PDE10A: variants seen among roughly 807,000 people sequenced by gnomAD.
PDE10A encodes the protein phosphodiesterase 10A, also known as cAMP and cAMP-inhibited cGMP 3',5'-cyclic phosphodiesterase 10A.
PDE10A carries 39 observed loss-of-function variants against 97.7 expected under a neutral mutation model. That is an observed-to-expected ratio of 0.40 (90% confidence interval 0.31 to 0.52). PDE10A has a LOEUF of 0.52. PDE10A is among the 20% of genes least tolerant of loss of function. The pLI, the probability that PDE10A is intolerant of heterozygous loss-of-function variation, is 0.56. For missense variants in PDE10A, 731 were observed against 1,047.8 expected (o/e 0.70, Z 4.17); for synonymous variants, 371 against 376.8 (o/e 0.98, Z 0.18).
upstream of PDE10A, among the ~76,000 whole-genome samples, chr6:165,663,402 T>C (rs936255412): frequency 7.2e-5 from 11 of 152,282 alleles, no homozygotes; most frequent in Admixed American, 5.9e-4. Flanking sequence ...GAGCAACCGC[T>C]GCGTCTCTGC....
intron 1 of PDE10A, among the ~76,000 whole-genome samples, chr6:165,733,884 A>C (rs1446766774): frequency 6.7e-6 from 1 of 148,596 alleles, no homozygotes; most frequent in African/African-American, 2.5e-5. Context: ...AAAAAAAAAA[A>C]CTGGGCCTTT....
intron 1 of PDE10A, among the ~76,000 whole-genome samples, chr6:165,585,333 C>A (rs1285541470): frequency 1.3e-5 from 2 of 152,186 alleles, no homozygotes; most frequent in African/African-American, 4.8e-5. Flanking sequence ...GGGAACTTGA[C>A]TAGTCTAATA....
chr6:165,572,498 A>T (rs1785095581), intron 1 of PDE10A, among the ~76,000 whole-genome samples: 1 of 152,262 alleles, frequency 6.6e-6, no homozygotes, highest in South Asian at 2.1e-4. Context: ...ATTGTTATAA[A>T]GTGGTTTCTG....
At chr6:165,424,359 T>C (rs1225124802) in intron 10 of PDE10A, among the ~76,000 whole-genome samples, 2 of 152,148 alleles carry the variant, frequency 1.3e-5, no homozygotes, top group Non-Finnish European at 2.9e-5. Flanking sequence ...TGCTCACCAT[T>C]TGATAACTCC....
chr6:165,942,042 G>A (rs1233239180), intron 1 of PDE10A, among the ~76,000 whole-genome samples: 1 of 152,172 alleles, frequency 6.6e-6, no homozygotes, highest in Non-Finnish European at 1.5e-5. Flanking sequence ...CATCCGGACA[G>A]TGATTCCTGG....
At position 165,416,298 on chromosome 6, in the gene PDE10A, G is replaced by C. The variant is rs1439556310; in HGVS notation, c.1797-17C>G. ...ATTGAAAATCTGCATATGTAAAAGA[G>C]AAGGACATGCTAATTAAAATATGGA... On this transcript the variant is annotated splice_polypyrimidine_tract_variant and intron_variant, in intron 11 of 21. Coordinates refer to ENST00000539869, the MANE Select transcript of PDE10A (RefSeq NM_001385079.1). The C allele has an allele frequency of 6.8e-7, 1 of 1,475,908 alleles. No individual in the cohort carries two copies. The allele number at this position is 1,475,908 out of a possible 1,614,324, so 91.4% of individuals were successfully genotyped here.
At chr6:165,463,697 T>C (rs1778462792) in intron 3 of PDE10A, among the ~76,000 whole-genome samples, 1 of 152,086 alleles carries the variant, frequency 6.6e-6, no homozygotes, top group Non-Finnish European at 1.5e-5. Context: ...AATCTGGCCA[T>C]AAACTGGCCC....
chr6:165,580,106 T>C (rs182278099), intron 1 of PDE10A, among the ~76,000 whole-genome samples: 1 of 152,340 alleles, frequency 6.6e-6, no homozygotes, highest in African/African-American at 2.4e-5. Context: ...GACAGGGCTC[T>C]TCCGTTTTGT....
chr6:165,419,035 C>T (rs916262180), intron 10 of PDE10A, among the ~76,000 whole-genome samples: 4 of 152,150 alleles, frequency 2.6e-5, no homozygotes, highest in African/African-American at 9.7e-5. Flanking sequence ...TGGAGGGAAG[C>T]ATATCAGTCG....
intron 1 of PDE10A, among the ~76,000 whole-genome samples, chr6:165,670,302 C>A (rs1046274797): frequency 2.0e-5 from 3 of 152,224 alleles, no homozygotes; most frequent in African/African-American, 7.2e-5. Context: ...TAATCCACCT[C>A]TTAACACGAG....
At chr6:165,738,686 C>T (rs1325900633) in intron 1 of PDE10A, among the ~76,000 whole-genome samples, 1 of 151,808 alleles carries the variant, frequency 6.6e-6, no homozygotes, top group Non-Finnish European at 1.5e-5. Context: ...TGTTTCCTGA[C>T]TTTTTAATGA....
chr6:165,620,592 C>G (rs187993141), intron 1 of PDE10A, among the ~76,000 whole-genome samples: 16,017 of 152,070 alleles, frequency 0.11, 840 homozygotes, highest in Middle Eastern at 0.13. Context: ...GATGGGTGCA[C>G]TGTGGGGTGG....
At chr6:165,835,909 T>C (rs1780052445) in intron 1 of PDE10A, among the ~76,000 whole-genome samples, 1 of 152,132 alleles carries the variant, frequency 6.6e-6, no homozygotes, top group Non-Finnish European at 1.5e-5. Flanking sequence ...GTATTAGCAG[T>C]TTGCTCTAGT....
intron 1 of PDE10A, among the ~76,000 whole-genome samples, chr6:165,816,140 G>A (rs190649936): frequency 1.6e-3 from 238 of 152,096 alleles, no homozygotes; most frequent in African/African-American, 5.6e-3. Flanking sequence ...TAGTGGAGAC[G>A]GGGTTTCACC....
intron 1 of PDE10A, among the ~76,000 whole-genome samples, chr6:165,673,233 T>C (rs1177521513): frequency 6.6e-6 from 1 of 152,348 alleles, no homozygotes; most frequent in East Asian, 1.9e-4. Flanking sequence ...GAACTAGATA[T>C]GGCACAGATT....
intron 1 of PDE10A, among the ~76,000 whole-genome samples, chr6:165,891,104 C>T (rs1029834598): frequency 6.6e-6 from 1 of 152,174 alleles, no homozygotes; most frequent in Non-Finnish European, 1.5e-5. Flanking sequence ...ATTCTGATCA[C>T]GTTGTCACCC....
intron 3 of PDE10A, among the ~76,000 whole-genome samples, chr6:165,464,664 T>C (rs1778528842): frequency 6.6e-6 from 1 of 152,168 alleles, no homozygotes; most frequent in South Asian, 2.1e-4. Flanking sequence ...TTCTAATCAA[T>C]CCCTGTCCTC....
chr6:165,477,035 T>G (rs1779333478), intron 3 of PDE10A, among the ~76,000 whole-genome samples: 1 of 152,144 alleles, frequency 6.6e-6, no homozygotes, highest in Non-Finnish European at 1.5e-5. Context: ...GGATTAATAT[T>G]GTGGATTAGA....
intron 11 of PDE10A, 65 bp from the exon 12 acceptor site, chr6:165,416,346 A>G (rs1327956965): frequency 3.9e-6 from 4 of 1,013,808 alleles, no homozygotes; most frequent in Non-Finnish European, 6.3e-6. Context: ...ATTCAAAAAT[A>G]TTCCATTGTT....
Sources: allele counts gnomAD v4.1 joint callset (sites outside exome capture counted in the v4.1 genomes callset), GRCh38; gene constraint gnomAD v4.1.1; transcripts MANE v1.5; gene names NCBI Gene and HGNC (gene_info 2026-07-23, HGNC 2026-07-21).